CUX1: variants seen among roughly 807,000 people sequenced by gnomAD.
CUX1 encodes protein CASP.
A neutral mutation model predicts 158.8 loss-of-function variants in CUX1; 31 were observed. The ratio of observed to expected loss-of-function variants is 0.20; its 90% confidence interval spans 0.15 to 0.26. The LOEUF (loss-of-function observed/expected upper bound fraction) is 0.26, where lower values mean the gene tolerates loss of function less well. Among genes scored for constraint, CUX1 ranks in the 10% least tolerant of loss-of-function variants. The probability of loss-of-function intolerance (pLI) is 1.00; values close to 1 mark genes in which losing one functional copy is unlikely to be tolerated. For synonymous variants in CUX1, 879 were observed against 862.1 expected (o/e 1.02, Z -0.34); for missense variants, 1,589 against 2,014.6 (o/e 0.79, Z 4.04).
At chr7:102,224,381 A>AT (rs1177485185) in intron 20 of CUX1, among the ~76,000 whole-genome samples, 1 of 151,876 alleles carries the variant, frequency 6.6e-6, no homozygotes, top group Non-Finnish European at 1.5e-5. Flanking sequence ...TGGTTTTTGT[A>AT]TTTTTAGTAG....
chr7:101,871,420 G>C (rs758140993), intron 1 of CUX1, among the ~76,000 whole-genome samples: 4 of 151,912 alleles, frequency 2.6e-5, no homozygotes, highest in Non-Finnish European at 4.4e-5. Flanking sequence ...CCTGTGTCCT[G>C]TTGGTAGAAG....
rs1236546449 is a variant in CUX1, at chr7:102,248,285, G to T, written c.3888-127G>T. On this transcript the variant is annotated intron_variant, in intron 23 of 23. Coordinates refer to ENST00000292535, the MANE Select transcript of CUX1 (RefSeq NM_181552.4). This position sits in a 1 kb window ranked among gnomAD's most constrained non-coding sequence, Gnocchi z 5.8. ...CCCCGTGGCCCGAGGGTCGCTGGAG[G>T]GGCACGGAGGGGCCTCCAGGCTGGA... is the stretch of plus-strand genomic sequence containing the variant. 9.5e-6 allele frequency: 8 copies of T among 841,842 alleles called. No homozygotes were observed. In the East Asian group the frequency reaches 2.6e-4, roughly 27 times the overall value. The allele number at this position is 841,842 out of a possible 1,614,324, so 52.1% of individuals were successfully genotyped here. A position where few individuals can be genotyped will look rare whatever the true frequency, so the allele number is the denominator to read the frequency against.
At chr7:102,246,973 A>G (rs1800877988) in intron 23 of CUX1, among the ~76,000 whole-genome samples, 1 of 152,140 alleles carries the variant, frequency 6.6e-6, no homozygotes. Context: ...TCAAGTTTGC[A>G]GTAAACTATG....
Position 101,916,331 on chromosome 7 carries a change from C to G in CUX1, c.141+106C>G. The G allele has an allele frequency of 1.4e-6, 1 of 726,090 alleles. No homozygotes were observed. The highest frequency in any genetic ancestry group is 1.5e-5 in the South Asian group (1 of 67,222). The allele number at this position is 726,090 out of a possible 1,614,324, so 45.0% of individuals were successfully genotyped here. On this transcript the variant is annotated intron_variant, in intron 2 of 23. Coordinates refer to ENST00000292535, the MANE Select transcript of CUX1 (RefSeq NM_181552.4). The surrounding 1 kb of genome is among the most constrained non-coding windows in gnomAD (Gnocchi z 4.4). Reference sequence around the variant, plus strand: ...TCATTTTCATCAGATGAACGCACGGCCGGCAAACAACCCGTTTCTTTCCCC... The same window carrying G: ...TCATTTTCATCAGATGAACGCACGGGCGGCAAACAACCCGTTTCTTTCCCC...
chr7:102,252,994 G>A lies in CUX1; in HGVS notation c.*3952G>A, dbSNP rs1801676796. 1.0e-6 allele frequency: 1 copy of A among 985,276 alleles called. No homozygotes were observed. The highest frequency in any genetic ancestry group is 6.1e-5 in the Admixed American group (1 of 16,264). 61.0% of individuals were successfully genotyped at this position (985,276 alleles called of 1,614,324 possible). On this transcript the variant is annotated 3_prime_UTR_variant, in exon 24 of 24. Transcript: ENST00000292535. Reference sequence around the variant, plus strand: ...GAAATGCCAGGATCGTGGCTCACAGGGACCCACCATCAAAACCTGCTACTT... The same window carrying A: ...GAAATGCCAGGATCGTGGCTCACAGAGACCCACCATCAAAACCTGCTACTT...
intron 11 of CUX1, among the ~76,000 whole-genome samples, chr7:102,188,434 A>G (rs1793868835): frequency 6.6e-6 from 1 of 152,270 alleles, no homozygotes; most frequent in African/African-American, 2.4e-5. Context: ...AAACACCTTC[A>G]GAGAAGAAAG....
intron 1 of CUX1, among the ~76,000 whole-genome samples, chr7:101,868,683 T>A (rs1798171064): frequency 6.6e-6 from 1 of 152,156 alleles, no homozygotes; most frequent in African/African-American, 2.4e-5. Context: ...TTAAGTTAAA[T>A]ACCATCAGCC....
rs118153189 is a variant in CUX1, at chr7:101,906,979, G to A, written c.31-9136G>A. 2.2e-4 allele frequency among the ~76,000 whole-genome samples: 34 copies of A among 152,230 alleles called. No individual in the cohort carries two copies. In the East Asian group the frequency reaches 6.2e-3, roughly 28 times the overall value. On this transcript the variant is annotated intron_variant, in intron 1 of 23. Transcript: ENST00000292535. ...CTTCCTGGTTCGAGATGCCCCCTCT[G>A]GCCCACGTGTCTGACATCACGTACC...
chr7:102,026,997 G>T (rs542560940), intron 2 of CUX1, among the ~76,000 whole-genome samples: 2 of 152,044 alleles, frequency 1.3e-5, no homozygotes, highest in East Asian at 3.9e-4. Context: ...CTGGTGTTTC[G>T]AAATGGGCAC....
rs200814383 is a variant in CUX1 at position 102,201,404 on chromosome 7, G to A, written c.2107G>A (p.Asp703Asn). The A allele has an allele frequency of 1.3e-5, 21 of 1,613,988 alleles. No homozygotes were observed. In the East Asian group the frequency reaches 4.2e-4, roughly 33 times the overall value. Residue 703 changes from aspartate (D) to asparagine (N), a missense_variant, in exon 18 of 24, where the codon GAT becomes AAT. Around this residue, in one of 8 missense-constraint regions of CUX1, gnomAD observed 337 missense variants for 409.3 expected, o/e 0.82. Coordinates refer to ENST00000292535, the MANE Select transcript of CUX1 (RefSeq NM_181552.4). The surrounding 1 kb of genome is among the most constrained non-coding windows in gnomAD (Gnocchi z 5.0). ...CTCCGCATCCGGCAGCGGGAACTCT[G>A]ATGACGCCATCCGCTCCATCCTGCA... ...PSSASGSGNSDDAIRSILQQA... is the reference protein window; with the variant it reads ...PSSASGSGNSNDAIRSILQQA...
chr7:101,828,360 A>G (rs1234102630), intron 1 of CUX1, among the ~76,000 whole-genome samples: 1 of 152,198 alleles, frequency 6.6e-6, no homozygotes, highest in Non-Finnish European at 1.5e-5. Flanking sequence ...AGAGTCAGCT[A>G]TATGTATAAT....
chr7:102,256,505 G>T lies in CUX1; in HGVS notation c.*7463G>T, dbSNP rs1235982130. The T allele has an allele frequency of 6.1e-6, 6 of 985,202 alleles. No homozygotes were observed. The highest frequency in any genetic ancestry group is 1.7e-5 in the African/African-American group (1 of 57,214). The allele number at this position is 985,202 out of a possible 1,614,324, so 61.0% of individuals were successfully genotyped here. ...AACCAAGGCGTCTGGGGGATTGACT[G>T]GGGGGCAGAGGGGGTTTCCCCAGCA... On this transcript the variant is annotated 3_prime_UTR_variant, in exon 24 of 24. Transcript: ENST00000292535.
chr7:102,020,881 GAAAAAA>G (rs398067126), intron 2 of CUX1, among the ~76,000 whole-genome samples: 50 of 130,588 alleles, frequency 3.8e-4, no homozygotes, highest in African/African-American at 1.3e-3. Flanking sequence ...ACTCGGTTTG[GAAAAAA>G]AAAAAAAAAA....
At chr7:102,029,312 A>G (rs1226118177) in intron 3 of CUX1, among the ~76,000 whole-genome samples, 1 of 152,064 alleles carries the variant, frequency 6.6e-6, no homozygotes, top group African/African-American at 2.4e-5. Context: ...TTTTCTTGCA[A>G]CTGCTAAGTC....
intron 14 of CUX1, among the ~76,000 whole-genome samples, chr7:102,271,609 C>T (rs903230919): frequency 2.0e-5 from 3 of 152,334 alleles, no homozygotes; most frequent in Middle Eastern, 3.4e-3. Flanking sequence ...ACCCTGCCCC[C>T]GACAGTCCTC....
chr7:102,227,371 C>T lies in CUX1; in HGVS notation c.3135C>T (p.Ser1045=), dbSNP rs1219988597. The change falls in exon 21 of 24, where the codon AGC becomes AGT. Residue 1045 remains serine (S), a synonymous_variant. Transcript: ENST00000292535. ...TCTCGTGTGCTTTAATTACAGAAAG[C>T]ACTCCAAAGACCTCCGCCAGCTGCA... ...PLQQGCVSSE[S]TPKTSASCSP... is the part of the protein sequence containing the mutation. The T allele has an allele frequency of 2.5e-6, 4 of 1,599,558 alleles. No individual in the cohort carries two copies. In the African/African-American group the frequency reaches 5.4e-5, roughly 21 times the overall value.
intron 2 of CUX1, among the ~76,000 whole-genome samples, chr7:102,025,596 C>A (rs1819919509): frequency 2.0e-5 from 3 of 152,006 alleles, no homozygotes; most frequent in African/African-American, 7.2e-5. Flanking sequence ...CCACTGTACT[C>A]CAGCCTGGGT....
chr7:101,839,597 G>A (rs1406709437), intron 1 of CUX1, among the ~76,000 whole-genome samples: 1 of 152,062 alleles, frequency 6.6e-6, no homozygotes, highest in Non-Finnish European at 1.5e-5. Context: ...CGATCTTTGC[G>A]ATAAGCCTCA....
Position 101,984,090 on chromosome 7 carries a change from ATATATATAT to A in CUX1, c.142-44007_142-43999del, listed in dbSNP as rs1301514521. 2.1e-3 allele frequency among the ~76,000 whole-genome samples: 74 copies of A among 34,994 alleles called. 12 individuals are homozygous for A. The highest frequency in any genetic ancestry group is 4.4e-3 in the South Asian group (5 of 1,140). 23.0% of individuals were successfully genotyped at this position (34,994 alleles called of 152,430 possible). On this transcript the variant is annotated intron_variant, in intron 2 of 23. Coordinates refer to ENST00000292535, the MANE Select transcript of CUX1 (RefSeq NM_181552.4). ...TCTGTCCCCCCCCAAAAAAAAAAAAATATATATATATATATATATATATATATATATATA... is the reference window on the plus strand; with the variant it reads ...TCTGTCCCCCCCCAAAAAAAAAAAAAATATATATATATATATATATATATA...
Sources: gnomAD v4.1 joint callset for allele counts (sites outside exome capture counted in the v4.1 genomes callset) on GRCh38, gnomAD v4.1.1 for gene constraint, gnomAD v4.1.1 regional missense constraint, Gnocchi (gnomAD v3.1) non-coding constraint, MANE v1.5 for transcripts, NCBI Gene and HGNC (gene_info 2026-07-23, HGNC 2026-07-21) for gene names.